The following GALNT17 variants were observed in gnomAD, a reference collection of about 807,000 sequenced individuals.
GALNT17 encodes the protein polypeptide N-acetylgalactosaminyltransferase 17.
GALNT17 carries 29 observed loss-of-function variants against 63.7 expected under a neutral mutation model. The ratio of observed to expected loss-of-function variants is 0.46; its 90% CI spans 0.34 to 0.62. The LOEUF is 0.62. Ranked by LOEUF, GALNT17 falls within the 20% of genes least tolerant of loss-of-function variation. The pLI is 0.01. For synonymous variants in GALNT17, 305 were observed against 318.3 expected (o/e 0.96, Z 0.45); for missense variants, 603 against 799.6 (o/e 0.75, Z 2.97).
At chr7:71,474,518 A>G (rs1040085415) in intron 5 of GALNT17, among the ~76,000 whole-genome samples, 1 of 152,204 alleles carries the variant, frequency 6.6e-6, no homozygotes, top group African/African-American at 2.4e-5. Context: ...AACATCCAGA[A>G]AGGTAAAATT....
chr7:71,644,997 A>G (rs899402585), intron 6 of GALNT17, among the ~76,000 whole-genome samples: 1 of 152,150 alleles, frequency 6.6e-6, no homozygotes, highest in Non-Finnish European at 1.5e-5. Context: ...CAAGGTCTCC[A>G]TGCAGTGGGA....
chr7:71,461,611 G>C (rs530200438), intron 5 of GALNT17, among the ~76,000 whole-genome samples: 2 of 152,152 alleles, frequency 1.3e-5, no homozygotes, highest in African/African-American at 2.4e-5. Context: ...ACTCAGTAGG[G>C]TGTAAACATA....
chr7:71,287,003 G>A (rs981869275), intron 1 of GALNT17, among the ~76,000 whole-genome samples: 22 of 151,994 alleles, frequency 1.4e-4, no homozygotes, highest in African/African-American at 4.6e-4. Context: ...CATGTTGCCC[G>A]GGCTAGTCTC....
At position 71,296,476 on chromosome 7, in the gene GALNT17, A is replaced by G. The variant is rs1330717112; in HGVS notation, c.239-39074A>G. On this transcript the variant is annotated intron_variant, in intron 1 of 10. Transcript: ENST00000333538. ...CTAAAAATACAAAAATTAGCCGGGC[A>G]TGGTGGCAGGTGCCTGTAATCCCAG... Among the ~76,000 whole-genome samples, 3 of 151,968 alleles carry G rather than the reference A, an allele frequency of 2.0e-5. No individual in the cohort carries two copies. In the East Asian group the frequency reaches 5.8e-4, roughly 29 times the overall value.
At chr7:71,288,829 T>A (rs1790925673) in intron 1 of GALNT17, among the ~76,000 whole-genome samples, 1 of 152,302 alleles carries the variant, frequency 6.6e-6, no homozygotes, top group South Asian at 2.1e-4. Flanking sequence ...GAGAAATATT[T>A]TTTTGCTGGA....
intron 2 of GALNT17, among the ~76,000 whole-genome samples, chr7:71,365,959 A>C (rs1007435180): frequency 6.6e-6 from 1 of 152,188 alleles, no homozygotes; most frequent in Non-Finnish European, 1.5e-5. Flanking sequence ...TTTTCCTGCA[A>C]CTAGACGGTC....
At chr7:71,496,197 C>T (rs1401479520) in intron 5 of GALNT17, among the ~76,000 whole-genome samples, 1 of 152,092 alleles carries the variant, frequency 6.6e-6, no homozygotes, top group Non-Finnish European at 1.5e-5. Context: ...CAGCAGCTCC[C>T]AGGACTTGAA....
intron 1 of GALNT17, among the ~76,000 whole-genome samples, chr7:71,273,240 A>G (rs1790624683): frequency 6.6e-6 from 1 of 152,176 alleles, no homozygotes; most frequent in Non-Finnish European, 1.5e-5. Flanking sequence ...CATTTCCCTG[A>G]TACCAGTTCT....
chr7:71,222,402 C>A (rs968883912), intron 1 of GALNT17, among the ~76,000 whole-genome samples: 5 of 152,074 alleles, frequency 3.3e-5, no homozygotes, highest in African/African-American at 1.2e-4. Context: ...AAATGATTCT[C>A]TTGCCTTGGC....
intron 3 of GALNT17, among the ~76,000 whole-genome samples, chr7:71,393,242 A>C (rs929140906): frequency 3.9e-5 from 6 of 152,042 alleles, no homozygotes; most frequent in African/African-American, 1.4e-4. Flanking sequence ...CCTTGAATTT[A>C]GTTCTTCTTA....
intron 1 of GALNT17, among the ~76,000 whole-genome samples, chr7:71,316,225 GGGTCTGATCAGGATCCT>G: frequency 7.2e-6 from 1 of 139,040 alleles, no homozygotes; most frequent in African/African-American, 3.2e-5. Flanking sequence ...CCTGATCTGT[GGGTCTGATCAGGATCCT>G]GATCTGTGGG....
At chr7:71,627,686 G>T (rs73702239) in intron 6 of GALNT17, among the ~76,000 whole-genome samples, 236 of 152,130 alleles carry the variant, frequency 1.6e-3, no homozygotes, top group African/African-American at 5.4e-3. Flanking sequence ...TTTTTTGTTT[G>T]TTCAAATCAT....
At chr7:71,467,675 A>T (rs1247283830) in intron 5 of GALNT17, among the ~76,000 whole-genome samples, 1 of 152,076 alleles carries the variant, frequency 6.6e-6, no homozygotes, top group Non-Finnish European at 1.5e-5. Flanking sequence ...CTGAGCTACC[A>T]GCTTCGTCCC....
chr7:71,343,764 C>T (rs989172859), intron 2 of GALNT17, among the ~76,000 whole-genome samples: 1 of 152,146 alleles, frequency 6.6e-6, no homozygotes, highest in Non-Finnish European at 1.5e-5. Context: ...TTCCAAAGAT[C>T]TGTCCCTCTT....
At chr7:71,139,999 TAAAC>T (rs147321955) in intron 1 of GALNT17, among the ~76,000 whole-genome samples, 7,269 of 151,928 alleles carry the variant, frequency 0.048, 585 homozygotes, top group African/African-American at 0.16. Flanking sequence ...GTCTTAAAAA[TAAAC>T]AAACAAACAC....
intron 1 of GALNT17, among the ~76,000 whole-genome samples, chr7:71,230,307 C>A (rs769358440): frequency 1.3e-5 from 2 of 152,068 alleles, no homozygotes; most frequent in Non-Finnish European, 2.9e-5. Context: ...TTATATACAA[C>A]CAAGAATTTG....
chr7:71,327,907 A>G (rs753245298), intron 1 of GALNT17, among the ~76,000 whole-genome samples: 4 of 151,898 alleles, frequency 2.6e-5, no homozygotes, highest in Non-Finnish European at 4.4e-5. Context: ...AGGGAAAGAG[A>G]TGGGAGAATA....
At chr7:71,142,311 T>A (rs1300995011) in intron 1 of GALNT17, among the ~76,000 whole-genome samples, 1 of 152,194 alleles carries the variant, frequency 6.6e-6, no homozygotes, top group Non-Finnish European at 1.5e-5. Context: ...CTCTTCAGAC[T>A]ACTTTTGGAT....
At chr7:71,135,294 A>G (rs2116141180) in intron 1 of GALNT17, among the ~76,000 whole-genome samples, 1 of 152,332 alleles carries the variant, frequency 6.6e-6, no homozygotes, top group East Asian at 1.9e-4. Context: ...CAAGTGCATT[A>G]TCTCACTGTA....
Sources: allele counts gnomAD v4.1 joint callset (sites outside exome capture counted in the v4.1 genomes callset), GRCh38; gene constraint gnomAD v4.1.1; transcripts MANE v1.5; gene names NCBI Gene and HGNC (gene_info 2026-07-23, HGNC 2026-07-21).